Variants in MGMT observed in about 807,000 individuals in gnomAD.
The protein encoded by MGMT is methylated-DNA--protein-cysteine methyltransferase.
Under a neutral mutation model 15.9 loss-of-function variants are expected in MGMT, and 14 were observed. The observed-to-expected ratio is 0.88, with a 90% CI of 0.58 to 1.37. The LOEUF (loss-of-function observed/expected upper bound fraction) is 1.37. Ranked by LOEUF, MGMT falls within the 40% of genes most tolerant of loss-of-function variation. MGMT has a pLI of 0.00. For synonymous variants in MGMT, 130 were observed against 118.2 expected (o/e 1.10, Z -0.65); for missense variants, 282 against 268.1 (o/e 1.05, Z -0.36).
Position 129,517,035 on chromosome 10 carries a change from A to AG in MGMT, c.-12-19205dup, listed in dbSNP as rs571123556. On this transcript the variant is annotated intron_variant, in intron 1 of 4. Transcript: ENST00000651593. ...CAATGGAAACAAACTGGTGTCCAGC[A>AG]GTCAGCTGTCTGCGCATCCGTCCCT... Among the ~76,000 whole-genome samples the AG allele has an allele frequency of 4.6e-5, 7 of 152,378 alleles. No individual in the cohort carries two copies. In the East Asian group the frequency reaches 1.3e-3, roughly 29 times the overall value.
intron 2 of MGMT, among the ~76,000 whole-genome samples, chr10:129,547,322 A>G (rs1442341588): frequency 6.6e-6 from 1 of 152,062 alleles, no homozygotes; most frequent in East Asian, 1.9e-4. Flanking sequence ...TGAGAACCCT[A>G]GTCCCTCTGT....
chr10:129,532,475 C>CGGGG lies in MGMT; in HGVS notation c.-12-3765_-12-3762dup, dbSNP rs2119751500. Among the ~76,000 whole-genome samples, 1 of 152,268 alleles carries CGGGG rather than the reference C, an allele frequency of 6.6e-6. No individual in the cohort carries two copies. The highest frequency in any genetic ancestry group is 2.4e-5 in the African/African-American group (1 of 41,566). Reference sequence around the variant, plus strand: ...AGGACTCCTCTCTCCGGGAGACTGTCGGGGCTAAGCTGCCTGTGGCCCTCC... The same window carrying CGGGG: ...AGGACTCCTCTCTCCGGGAGACTGTCGGGGGGGGCTAAGCTGCCTGTGGCCCTCC... On this transcript the variant is annotated intron_variant, in intron 1 of 4. Coordinates refer to ENST00000651593, the MANE Select transcript of MGMT (RefSeq NM_002412.5). This position sits in a 1 kb window ranked among gnomAD's most constrained non-coding sequence, Gnocchi z 5.3.
chr10:129,638,131 A>C (rs1305197160), intron 2 of MGMT, among the ~76,000 whole-genome samples: 4 of 152,180 alleles, frequency 2.6e-5, no homozygotes, highest in Admixed American at 2.0e-4. Flanking sequence ...GTACTTCAAA[A>C]GGAGACATGT....
rs534100039 is a variant in MGMT, at chr10:129,598,312, C to T, written c.125+61935C>T. 5.3e-5 allele frequency among the ~76,000 whole-genome samples: 8 copies of T among 152,300 alleles called. No homozygotes were observed. In the East Asian group the frequency reaches 7.7e-4, roughly 15 times the overall value. The stretch of plus-strand genomic sequence containing the variant: ...GTGGGCCACTTCTTTGCTGTGGAAC[C>T]GTGGGCAAGTCTCTTGTTCTTTCTG... On this transcript the variant is annotated intron_variant, in intron 2 of 4. Coordinates refer to ENST00000651593, the MANE Select transcript of MGMT (RefSeq NM_002412.5).
At chr10:129,627,207 G>T (rs111310378) in intron 2 of MGMT, among the ~76,000 whole-genome samples, 1 of 152,178 alleles carries the variant, frequency 6.6e-6, no homozygotes, top group African/African-American at 2.4e-5. Context: ...GGATGAGGGC[G>T]TGGGTTGAAA....
intron 1 of MGMT, among the ~76,000 whole-genome samples, chr10:129,512,723 A>C (rs7092329): frequency 0.15 from 23,499 of 152,168 alleles, 2,518 homozygotes; most frequent in African/African-American, 0.3. Flanking sequence ...CAGTGCCTTG[A>C]ATATAAGTAT....
chr10:129,547,158 A>G (rs1428051057), intron 2 of MGMT, among the ~76,000 whole-genome samples: 3 of 152,212 alleles, frequency 2.0e-5, no homozygotes, highest in Non-Finnish European at 4.4e-5. Context: ...AACTGAAATC[A>G]TAGTTACAAC....
intron 2 of MGMT, among the ~76,000 whole-genome samples, chr10:129,577,121 T>C (rs1319217870): frequency 6.6e-6 from 1 of 152,112 alleles, no homozygotes; most frequent in Admixed American, 6.6e-5. Context: ...CAAGGTAATT[T>C]ATAGATTCAA....
chr10:129,595,379 G>A (rs905815904), intron 2 of MGMT, among the ~76,000 whole-genome samples: 2 of 152,144 alleles, frequency 1.3e-5, no homozygotes, highest in African/African-American at 2.4e-5. Context: ...TAGAGAAAAC[G>A]TCTTCTTTGT....
intron 3 of MGMT, among the ~76,000 whole-genome samples, chr10:129,748,806 G>T (rs190618105): frequency 1.3e-3 from 205 of 152,220 alleles, no homozygotes; most frequent in Non-Finnish European, 1.2e-3. Context: ...TTACTTATCT[G>T]TAAAATCCCA....
intron 1 of MGMT, among the ~76,000 whole-genome samples, chr10:129,487,600 C>T (rs1172884050): frequency 6.6e-6 from 1 of 150,868 alleles, no homozygotes; most frequent in East Asian, 2.0e-4. Flanking sequence ...TATATATGTA[C>T]ACACACTATA....
chr10:129,562,680 G>A (rs1296943490), intron 2 of MGMT, among the ~76,000 whole-genome samples: 2 of 152,156 alleles, frequency 1.3e-5, no homozygotes, highest in African/African-American at 2.4e-5. Flanking sequence ...TGCTGGTTCT[G>A]GAGTCTGAGA....
chr10:129,644,428 G>A (rs923027831), intron 2 of MGMT, among the ~76,000 whole-genome samples: 13 of 152,230 alleles, frequency 8.5e-5, no homozygotes, highest in Admixed American at 7.8e-4. Flanking sequence ...GGCAGCCTGA[G>A]GATGTGAAAT....
chr10:129,507,540 CA>C (rs1564837233), intron 1 of MGMT, among the ~76,000 whole-genome samples: 2 of 152,118 alleles, frequency 1.3e-5, no homozygotes, highest in African/African-American at 2.4e-5. Flanking sequence ...GAATTGGGGA[CA>C]GGGGTGCCCC....
chr10:129,602,576 G>A (rs1383571219), intron 2 of MGMT, among the ~76,000 whole-genome samples: 2 of 152,152 alleles, frequency 1.3e-5, no homozygotes, highest in African/African-American at 4.8e-5. Context: ...CAGATGGGCC[G>A]TGTGTCGTAG....
intron 3 of MGMT, among the ~76,000 whole-genome samples, chr10:129,737,529 C>A (rs1212637148): frequency 6.6e-6 from 1 of 152,138 alleles, no homozygotes; most frequent in Admixed American, 6.5e-5. Context: ...GTAATTTGAT[C>A]GTCTGAAGCC....
intron 2 of MGMT, among the ~76,000 whole-genome samples, chr10:129,622,479 A>G (rs1181311709): frequency 6.6e-6 from 1 of 152,204 alleles, no homozygotes; most frequent in African/African-American, 2.4e-5. Flanking sequence ...CACGGTATTG[A>G]ATCATGTAAG....
chr10:129,759,433 G>A (rs2133185429), intron 4 of MGMT, 92 bp downstream of exon 4: 3 of 1,581,922 alleles, frequency 1.9e-6, no homozygotes, highest in East Asian at 4.5e-5. Flanking sequence ...TCGGAAGGCA[G>A]GCTGTGCTGC....
At chr10:129,562,031 A>T (rs1846286363) in intron 2 of MGMT, among the ~76,000 whole-genome samples, 2 of 152,214 alleles carry the variant, frequency 1.3e-5, no homozygotes, top group Non-Finnish European at 2.9e-5. Flanking sequence ...TAGCATGCAG[A>T]TAAAAGGCTA....
Sources: allele counts gnomAD v4.1 joint callset (sites outside exome capture counted in the v4.1 genomes callset), GRCh38; gene constraint gnomAD v4.1.1; non-coding constraint Gnocchi (gnomAD v3.1); transcripts MANE v1.5; gene names NCBI Gene and HGNC (gene_info 2026-07-23, HGNC 2026-07-21).